ZBTB7C: variants seen among roughly 807,000 people sequenced by gnomAD.
ZBTB7C encodes zinc finger and BTB domain-containing protein 7C.
In ZBTB7C, 8 loss-of-function variants were observed where a neutral mutation model predicts 25.7. The observed-to-expected ratio is 0.31, with a 90% CI of 0.18 to 0.56. The LOEUF is 0.56. Among genes scored for constraint, ZBTB7C ranks in the 20% least tolerant of loss-of-function variants. The probability of loss-of-function intolerance (pLI) is 0.91; values close to 1 mark genes in which losing one functional copy is unlikely to be tolerated. For missense variants in ZBTB7C, 824 were observed against 855.2 expected (o/e 0.96, Z 0.46); for synonymous variants, 394 against 369.0 (o/e 1.07, Z -0.78).
chr18:48,042,875 C>T (rs776256815), intron 3 of ZBTB7C, among the ~76,000 whole-genome samples: 10 of 152,208 alleles, frequency 6.6e-5, no homozygotes, highest in African/African-American at 1.2e-4. Context: ...TCAAGAAGGC[C>T]TCTGCTCTAA....
chr18:48,202,308 C>T (rs2042470184), intron 2 of ZBTB7C, among the ~76,000 whole-genome samples: 1 of 152,154 alleles, frequency 6.6e-6, no homozygotes, highest in South Asian at 2.1e-4. Flanking sequence ...TCTGCCTGTG[C>T]AGCACAGCGG....
intron 3 of ZBTB7C, among the ~76,000 whole-genome samples, chr18:48,061,082 C>T (rs1200344016): frequency 3.3e-5 from 5 of 152,062 alleles, no homozygotes; most frequent in Non-Finnish European, 5.9e-5. Context: ...GGGTTTACCA[C>T]GCAGTGAGCA....
intron 3 of ZBTB7C, among the ~76,000 whole-genome samples, chr18:48,175,689 G>T (rs4940309): frequency 0.87 from 131,822 of 152,174 alleles, 57,508 homozygotes; most frequent in African/African-American, 0.96. Flanking sequence ...AATTACTGAT[G>T]CCAGGGCTGG....
intron 2 of ZBTB7C, among the ~76,000 whole-genome samples, chr18:48,298,488 C>T (rs1275514668): frequency 6.6e-6 from 1 of 152,154 alleles, no homozygotes; most frequent in African/African-American, 2.4e-5. Flanking sequence ...CCCACCTCCA[C>T]ATAGGGACAC....
At chr18:48,310,572 C>A (rs946775132) in intron 2 of ZBTB7C, among the ~76,000 whole-genome samples, 45 of 152,100 alleles carry the variant, frequency 3.0e-4, no homozygotes, top group African/African-American at 1.0e-3. Flanking sequence ...GTGTGTGTGT[C>A]CCCTGAGGAT....
intron 3 of ZBTB7C, among the ~76,000 whole-genome samples, chr18:48,046,486 G>A (rs951472149): frequency 6.6e-5 from 10 of 152,214 alleles, no homozygotes; most frequent in African/African-American, 2.4e-4. Flanking sequence ...TAAAACCCCA[G>A]GAAATTAGTT....
At chr18:48,316,771 T>C (rs2045957666) in intron 2 of ZBTB7C, among the ~76,000 whole-genome samples, 2 of 152,186 alleles carry the variant, frequency 1.3e-5, no homozygotes, top group African/African-American at 4.8e-5. Context: ...ATAAGCCTCT[T>C]TGTAAATTGC....
chr18:48,158,932 C>T (rs2040918367), intron 3 of ZBTB7C, among the ~76,000 whole-genome samples: 1 of 152,158 alleles, frequency 6.6e-6, no homozygotes, highest in Non-Finnish European at 1.5e-5. Context: ...CCTGGGCCTC[C>T]CCACACAGGG....
intron 2 of ZBTB7C, among the ~76,000 whole-genome samples, chr18:48,221,903 T>G (rs112254053): frequency 0.01 from 1,012 of 97,792 alleles, no homozygotes; most frequent in Admixed American, 0.014. Context: ...TGTCCTAGTC[T>G]CCCTCTATAC....
intron 3 of ZBTB7C, among the ~76,000 whole-genome samples, chr18:48,047,201 C>T (rs1223796235): frequency 6.6e-6 from 1 of 152,144 alleles, no homozygotes; most frequent in African/African-American, 2.4e-5. Flanking sequence ...ATTCCCATGC[C>T]CTGGTGGGCC....
In ZBTB7C at chr18:48,107,143, G is replaced by T. The variant is rs569806960; in HGVS notation, c.-16-66020C>A. ...AGAGAGGGGAGGTGGAGAATGTGGGGAGGGGCATTGGAGAGAAGGGCAGAA... is the reference window on the plus strand; with the variant it reads ...AGAGAGGGGAGGTGGAGAATGTGGGTAGGGGCATTGGAGAGAAGGGCAGAA... On this transcript the variant is annotated intron_variant, in intron 3 of 4. Transcript: ENST00000590800. Among the ~76,000 whole-genome samples, 3 of 151,216 alleles carry T rather than the reference G, an allele frequency of 2.0e-5. No homozygotes were observed. In the East Asian group the frequency reaches 5.9e-4, roughly 30 times the overall value.
intron 3 of ZBTB7C, among the ~76,000 whole-genome samples, chr18:48,067,768 G>A (rs1475547354): frequency 6.6e-5 from 10 of 152,038 alleles, no homozygotes; most frequent in Non-Finnish European, 1.3e-4. Context: ...TTGGGAGGCC[G>A]AGGCGGGCAG....
intron 2 of ZBTB7C, among the ~76,000 whole-genome samples, chr18:48,258,037 G>GA (rs959326065): frequency 7.2e-5 from 11 of 151,848 alleles, no homozygotes; most frequent in Non-Finnish European, 1.3e-4. Flanking sequence ...CCATCTCTAG[G>GA]AAAAAAACAG....
At chr18:48,329,496 A>G (rs549490350) in intron 2 of ZBTB7C, among the ~76,000 whole-genome samples, 1 of 152,220 alleles carries the variant, frequency 6.6e-6, no homozygotes. Flanking sequence ...AAAGTAAAAC[A>G]ACCAAAAGTA....
intron 3 of ZBTB7C, among the ~76,000 whole-genome samples, chr18:48,095,775 T>TGAC (rs2038602165): frequency 6.6e-6 from 1 of 151,836 alleles, no homozygotes; most frequent in Admixed American, 6.6e-5. Flanking sequence ...AATGGATGAA[T>TGAC]GACGGTCTTG....
At chr18:48,141,143 A>AC (rs201273460) in intron 3 of ZBTB7C, among the ~76,000 whole-genome samples, 10,523 of 95,052 alleles carry the variant, frequency 0.11, 496 homozygotes, top group East Asian at 0.23. Context: ...TCCCCCCCGC[A>AC]CCACCCCCCC....
chr18:48,113,589 C>T (rs1054882300), intron 3 of ZBTB7C, among the ~76,000 whole-genome samples: 4 of 152,228 alleles, frequency 2.6e-5, no homozygotes, highest in Non-Finnish European at 5.9e-5. Context: ...TTTCATTCCA[C>T]TCCAAGTCCA....
At chr18:48,353,488 T>C (rs2046908951) in intron 1 of ZBTB7C, among the ~76,000 whole-genome samples, 1 of 152,176 alleles carries the variant, frequency 6.6e-6, no homozygotes, top group Non-Finnish European at 1.5e-5. Context: ...GGGGAGTTTG[T>C]GGTCAGAGTT....
At chr18:48,163,914 G>T (rs934876048) in intron 3 of ZBTB7C, among the ~76,000 whole-genome samples, 1 of 152,170 alleles carries the variant, frequency 6.6e-6, no homozygotes, top group Admixed American at 6.5e-5. Flanking sequence ...GAGCTGGAGG[G>T]GGTTAACTAG....
Sources: gnomAD v4.1 joint callset for allele counts (sites outside exome capture counted in the v4.1 genomes callset) on GRCh38, gnomAD v4.1.1 for gene constraint, MANE v1.5 for transcripts, NCBI Gene and HGNC (gene_info 2026-07-23, HGNC 2026-07-21) for gene names.